UBAP2: variants seen among roughly 807,000 people sequenced by gnomAD.
The protein encoded by UBAP2 is ubiquitin-associated protein 2.
UBAP2 carries 75 observed loss-of-function variants against 139.6 expected under a neutral mutation model. The observed-to-expected ratio is 0.54, with a 90% CI of 0.45 to 0.65. UBAP2 has a LOEUF of 0.65. Ranked by LOEUF, UBAP2 falls within the 30% of genes least tolerant of loss-of-function variation. The pLI, the probability that UBAP2 is intolerant of heterozygous loss-of-function variation, is 0.00. For synonymous variants in UBAP2, 526 were observed against 526.2 expected, an observed-to-expected ratio of 1.00 and a Z score of 0.01; for missense variants, 1,368 against 1,369.6, an observed-to-expected ratio of 1.00 and a Z score of 0.02.
At chr9:34,014,003 T>G (rs538673451) in intron 2 of UBAP2, among the ~76,000 whole-genome samples, 1 of 152,060 alleles carries the variant, frequency 6.6e-6, no homozygotes, top group African/African-American at 2.4e-5. Context: ...ATAATTTTCC[T>G]AATGCATACT....
rs529275620 is a variant in UBAP2 at position 33,988,918 on chromosome 9, G to A, written c.442+55C>T. On this transcript the variant is annotated intron_variant, in intron 5 of 28. Transcript: ENST00000379238. Reference sequence around the variant, plus strand: ...CCAAAACTTTGGGAGGCTGAGGCGGGAGGGTCACTTGAGATGAAAGAAGAG... The same window carrying A: ...CCAAAACTTTGGGAGGCTGAGGCGGAAGGGTCACTTGAGATGAAAGAAGAG... 4.5e-6 allele frequency: 7 copies of A among 1,555,030 alleles called. No individual in the cohort carries two copies. In the South Asian group the frequency reaches 7.4e-5, roughly 17 times the overall value.
At chr9:33,994,393 A>T (rs909421693) in intron 4 of UBAP2, 6 of 151,644 alleles carry the variant, frequency 4.0e-5, no homozygotes, top group African/African-American at 1.5e-4. Flanking sequence ...ACTTATCTCT[A>T]CCATAAAAAG....
chr9:33,938,564 A>G (rs970206350), intron 16 of UBAP2, among the ~76,000 whole-genome samples: 11 of 152,156 alleles, frequency 7.2e-5, no homozygotes, highest in Non-Finnish European at 1.5e-4. Context: ...TGGGAGGCCA[A>G]GGCAGGCAGA....
At chr9:34,014,640 A>T (rs1824086754) in intron 2 of UBAP2, among the ~76,000 whole-genome samples, 1 of 151,762 alleles carries the variant, frequency 6.6e-6, no homozygotes, top group Admixed American at 6.6e-5. Flanking sequence ...AAGAAACAAA[A>T]AAAAATTAGG....
intron 4 of UBAP2, among the ~76,000 whole-genome samples, chr9:33,990,603 T>A (rs1297213192): frequency 6.6e-6 from 1 of 151,724 alleles, no homozygotes; most frequent in Non-Finnish European, 1.5e-5. Flanking sequence ...TATTGTAACC[T>A]TTCTAGAAGG....
At position 33,933,555 on chromosome 9, in the gene UBAP2, T is replaced by G. The variant is rs764143921; in HGVS notation, c.2043A>C (p.Ala681=). 3 of 1,613,702 alleles carry G rather than the reference T, an allele frequency of 1.9e-6. No homozygotes were observed. The highest frequency in any genetic ancestry group is 1.6e-4 in the Middle Eastern group (1 of 6,080). ...TGTGCTGGGATGTGGACGGCAGAAGTGCAGTGCAGGAGGTGGTGCTGGGCA... is the reference window on the plus strand; with the variant it reads ...TGTGCTGGGATGTGGACGGCAGAAGGGCAGTGCAGGAGGTGGTGCTGGGCA... ...SSLPSTTSCT[A]LLPSTSQHTG... Residue 681 remains alanine (A), a synonymous_variant, in exon 18 of 29, where the codon GCA becomes GCC. Coordinates refer to ENST00000379238, the MANE Select transcript of UBAP2 (RefSeq NM_001370062.2).
rs916241988 is a variant in UBAP2, at chr9:33,928,070, G to C, written c.2176-78C>G. ...CTGGGGAGAGCCTGGCCTGGCGCTT[G>C]GGCCCAAGTCTCAAGGCTGAGCAGG... On this transcript the variant is annotated intron_variant, in intron 19 of 28. Transcript: ENST00000379238. 4.1e-6 allele frequency: 6 copies of C among 1,463,134 alleles called. No individual in the cohort carries two copies. The Admixed American group carries it at 1.4e-4, about 35-fold the overall frequency. The allele number at this position is 1,463,134 out of a possible 1,614,324, so 90.6% of individuals were successfully genotyped here. A position where few individuals can be genotyped will look rare whatever the true frequency, so the allele number is the denominator to read the frequency against.
At position 33,952,610 on chromosome 9, in the gene UBAP2, A is replaced by G. The variant is rs188918467; in HGVS notation, c.1056+675T>C. Among the ~76,000 whole-genome samples, 338 of 152,342 alleles carry G rather than the reference A, an allele frequency of 2.2e-3. 1 individual carries two copies. The highest frequency in any genetic ancestry group is 7.5e-3 in the African/African-American group (310 of 41,584). On this transcript the variant is annotated intron_variant, in intron 12 of 28. Coordinates refer to ENST00000379238, the MANE Select transcript of UBAP2 (RefSeq NM_001370062.2). ...CAAGTCAATTCTGATAAACTTTCGC[A>G]TTTAATTGGAAAACAAGAAATTGAA...
In UBAP2 at chr9:33,922,196, A is replaced by C. The variant is rs1414069187; in HGVS notation, c.*308T>G. 10 of 367,658 alleles carry C rather than the reference A, an allele frequency of 2.7e-5. No homozygotes were observed. The highest frequency in any genetic ancestry group is 3.1e-5 in the Non-Finnish European group (6 of 196,410). 22.8% of individuals were successfully genotyped at this position (367,658 alleles called of 1,614,324 possible). ...CACTGGGCAGTGCAGGCTGTGAAGAAGACCTGAAGGCAGATGGGGTGGGGG... is the reference window on the plus strand; with the variant it reads ...CACTGGGCAGTGCAGGCTGTGAAGACGACCTGAAGGCAGATGGGGTGGGGG... On this transcript the variant is annotated 3_prime_UTR_variant, in exon 29 of 29. Coordinates refer to ENST00000379238, the MANE Select transcript of UBAP2 (RefSeq NM_001370062.2).
chr9:33,932,635 G>C lies in UBAP2; in HGVS notation c.2109-7C>G, dbSNP rs774942322. 1.4e-5 allele frequency: 22 copies of C among 1,613,784 alleles called. No homozygotes were observed. In the East Asian group the frequency reaches 4.2e-4, roughly 31 times the overall value. Reference sequence around the variant, plus strand: ...CTGGTGGCTGGAGAGCGAACTAGAAGACAAAACAGAGCGCCGTATGTCCAC... The same window carrying C: ...CTGGTGGCTGGAGAGCGAACTAGAACACAAAACAGAGCGCCGTATGTCCAC... On this transcript the variant is annotated splice_region_variant and splice_polypyrimidine_tract_variant and intron_variant, in intron 18 of 28. Coordinates refer to ENST00000379238, the MANE Select transcript of UBAP2 (RefSeq NM_001370062.2).
rs753170092 is a variant in UBAP2, at chr9:33,927,970, G to A, written c.2198C>T (p.Ser733Phe). 1 of 1,613,624 alleles carries A rather than the reference G, an allele frequency of 6.2e-7. No individual in the cohort carries two copies. The highest frequency in any genetic ancestry group is 8.5e-7 in the Non-Finnish European group (1 of 1,179,710). Residue 733 changes from serine to phenylalanine, a missense_variant, in exon 20 of 29, where the codon TCT becomes TTT. Physicochemically the swap from Ser to Phe is radical, Grantham distance 155. Transcript: ENST00000379238. ...SHTHASVESA[S>F]SHQSSATFST... is the part of the protein sequence containing the mutation. ...GAAGGTGGCTGAGGACTGGTGGGAA[G>A]AGGCGCTCTCCACACTGGCATGCTG... is the stretch of plus-strand genomic sequence containing the variant.
rs1370958365 is a variant in UBAP2 at position 33,953,315 on chromosome 9, A to G, written c.1026T>C (p.Thr342=). The G allele has an allele frequency of 1.2e-6, 2 of 1,614,098 alleles. No individual in the cohort carries two copies. The highest frequency in any genetic ancestry group is 1.7e-6 in the Non-Finnish European group (2 of 1,180,032). ...NQMAPGTGSS[T]AVNSCSPQSL... ...TCTGAGGAGAACAGGAGTTGACGGC[A>G]GTGGAGCTGCCAGTCCCTGGTGCCA... Residue 342 remains threonine (T), a synonymous_variant, in exon 12 of 29, where the codon ACT becomes ACC. Coordinates refer to ENST00000379238, the MANE Select transcript of UBAP2 (RefSeq NM_001370062.2).
intron 2 of UBAP2, among the ~76,000 whole-genome samples, chr9:34,006,458 T>C (rs149865443): frequency 5.9e-4 from 90 of 152,228 alleles, no homozygotes; most frequent in African/African-American, 2.1e-3. Flanking sequence ...GGCAGGCAGA[T>C]TGCTCGAGCT....
chr9:34,038,222 G>A (rs1826635050), intron 1 of UBAP2, among the ~76,000 whole-genome samples: 1 of 151,310 alleles, frequency 6.6e-6, no homozygotes, highest in African/African-American at 2.4e-5. Flanking sequence ...AGGCTGAGGT[G>A]GGAAGATCAT....
At chr9:34,011,805 C>G (rs7029112) in intron 2 of UBAP2, 174,024 of 213,406 alleles carry the variant, frequency 0.82, 71,276 homozygotes, top group Middle Eastern at 0.85. Flanking sequence ...AAGAAAAGTA[C>G]CATCACTACA....
At chr9:33,928,160 G>A (rs930713092) in intron 19 of UBAP2, 168 bp from the exon 20 acceptor site, 12 of 622,754 alleles carry the variant, frequency 1.9e-5, no homozygotes, top group Admixed American at 9.8e-5. Context: ...TGCTCACTGC[G>A]GCCCCTCACA....
At chr9:33,936,665 C>T (rs1824546509) in intron 16 of UBAP2, among the ~76,000 whole-genome samples, 1 of 151,906 alleles carries the variant, frequency 6.6e-6, no homozygotes, top group Non-Finnish European at 1.5e-5. Flanking sequence ...CAAAACAAAA[C>T]AAATAAATAA....
intron 1 of UBAP2, among the ~76,000 whole-genome samples, chr9:34,022,349 T>C (rs763961511): frequency 5.3e-5 from 8 of 151,278 alleles, no homozygotes; most frequent in Non-Finnish European, 1.2e-4. Context: ...CATGCACCTG[T>C]AAGTCCCAGC....
chr9:33,944,939 C>A (rs1188056163), intron 13 of UBAP2, among the ~76,000 whole-genome samples: 1 of 152,058 alleles, frequency 6.6e-6, no homozygotes, highest in Non-Finnish European at 1.5e-5. Context: ...GAGAATCATA[C>A]TTTTATTATT....
Sources: gnomAD v4.1 joint callset for allele counts (sites outside exome capture counted in the v4.1 genomes callset) on GRCh38, gnomAD v4.1.1 for gene constraint, MANE v1.5 for transcripts, NCBI Gene and HGNC (gene_info 2026-07-23, HGNC 2026-07-21) for gene names.